The following PRR5L variants were observed in gnomAD, a reference collection of about 807,000 sequenced individuals.
PRR5L encodes proline rich 5 like.
Under a neutral mutation model 36.4 loss-of-function variants are expected in PRR5L, and 21 were observed. The ratio of observed to expected loss-of-function variants is 0.58; its 90% CI spans 0.41 to 0.83. PRR5L has a LOEUF of 0.83. Among genes scored for constraint, PRR5L ranks in the 40% least tolerant of loss-of-function variants. PRR5L has a pLI of 0.00. For synonymous variants in PRR5L, 188 were observed against 197.0 expected, an observed-to-expected ratio of 0.95 and a Z score of 0.38; for missense variants, 381 against 473.3, an observed-to-expected ratio of 0.80 and a Z score of 1.81.
chr11:36,331,167 C>A (rs55667585), intron 1 of PRR5L, among the ~76,000 whole-genome samples: 5,765 of 152,228 alleles, frequency 0.038, 367 homozygotes, highest in African/African-American at 0.13. Flanking sequence ...ATAACATATA[C>A]CCATACTAAT....
chr11:36,346,437 G>T (rs987185675), intron 1 of PRR5L, among the ~76,000 whole-genome samples: 11 of 152,114 alleles, frequency 7.2e-5, no homozygotes. Flanking sequence ...CAAAAAATTA[G>T]CCGGGCGTGG....
intron 8 of PRR5L, 47 bp from the exon 9 acceptor site, chr11:36,462,295 C>G: frequency 6.8e-7 from 1 of 1,477,872 alleles, no homozygotes; most frequent in Non-Finnish European, 9.0e-7. Flanking sequence ...TTTTAAGCAC[C>G]AATACCCCCT....
intron 4 of PRR5L, among the ~76,000 whole-genome samples, chr11:36,422,605 A>G (rs1482157427): frequency 6.6e-6 from 1 of 152,150 alleles, no homozygotes; most frequent in Non-Finnish European, 1.5e-5. Context: ...GAACATTCTC[A>G]TTTACATTCT....
At chr11:36,361,833 T>C (rs1458398108) in intron 1 of PRR5L, among the ~76,000 whole-genome samples, 1 of 152,138 alleles carries the variant, frequency 6.6e-6, no homozygotes, top group East Asian at 1.9e-4. Flanking sequence ...ATCTAACTCT[T>C]GTGGTTTTCT....
intron 1 of PRR5L, among the ~76,000 whole-genome samples, chr11:36,335,933 A>C (rs944927915): frequency 4.6e-5 from 7 of 152,192 alleles, no homozygotes; most frequent in Admixed American, 4.6e-4. Flanking sequence ...CTCTGATTTA[A>C]TCTTGTGTAA....
At chr11:36,322,562 A>G (rs1856622870) in intron 1 of PRR5L, among the ~76,000 whole-genome samples, 1 of 152,160 alleles carries the variant, frequency 6.6e-6, no homozygotes, top group Non-Finnish European at 1.5e-5. Flanking sequence ...CAGTCAAATC[A>G]TTGTGCACCA....
At position 36,314,576 on chromosome 11, in the gene PRR5L, C is replaced by T. The variant is rs562447442; in HGVS notation, c.-126+18138C>T. Among the ~76,000 whole-genome samples, 3 of 152,320 alleles carry T rather than the reference C, an allele frequency of 2.0e-5. No individual in the cohort carries two copies. In the South Asian group the frequency reaches 6.2e-4, roughly 32 times the overall value. ...GGGTTCCCCTTGATGCCCTTTGCTCCATAGCAGCCTCCAGTGTTGTTTTTG... is the reference window on the plus strand; with the variant it reads ...GGGTTCCCCTTGATGCCCTTTGCTCTATAGCAGCCTCCAGTGTTGTTTTTG... On this transcript the variant is annotated intron_variant, in intron 1 of 8. Coordinates refer to ENST00000530639, the MANE Select transcript of PRR5L (RefSeq NM_001160167.2).
At chr11:36,406,577 C>A (rs1477714218) in intron 3 of PRR5L, among the ~76,000 whole-genome samples, 1 of 152,316 alleles carries the variant, frequency 6.6e-6, no homozygotes, top group East Asian at 1.9e-4. Context: ...ACACAGCTGC[C>A]TTTATTCCAG....
At chr11:36,397,549 C>T (rs1186804097) in intron 1 of PRR5L, among the ~76,000 whole-genome samples, 5 of 141,516 alleles carry the variant, frequency 3.5e-5, no homozygotes, top group East Asian at 2.2e-4. Flanking sequence ...CTCCACCTCT[C>T]GGATTCAAGC....
At chr11:36,441,862 C>A (rs1301495373) in intron 6 of PRR5L, among the ~76,000 whole-genome samples, 1 of 152,166 alleles carries the variant, frequency 6.6e-6, no homozygotes, top group African/African-American at 2.4e-5. Context: ...AGGCTTATAG[C>A]TTGCTCCCTC....
chr11:36,332,541 A>G (rs1856729635), intron 1 of PRR5L, among the ~76,000 whole-genome samples: 1 of 152,160 alleles, frequency 6.6e-6, no homozygotes, highest in South Asian at 2.1e-4. Context: ...TAAATGTCTC[A>G]CCAATCCATC....
chr11:36,312,410 G>A (rs939533890), intron 1 of PRR5L, among the ~76,000 whole-genome samples: 2 of 152,230 alleles, frequency 1.3e-5, no homozygotes, highest in African/African-American at 2.4e-5. Flanking sequence ...GTTAAACACA[G>A]CACTGCTGTG....
At position 36,344,476 on chromosome 11, in the gene PRR5L, G is replaced by A. The variant is rs1221613410; in HGVS notation, c.-126+48038G>A. ...GGCAAACATAATGTTCCATTCTATG[G>A]CTATATTGTACCACCTGTTTTGGAC... On this transcript the variant is annotated intron_variant, in intron 1 of 8. Transcript: ENST00000530639. The surrounding 1 kb of genome is among the most constrained non-coding windows in gnomAD (Gnocchi z 4.1). Among the ~76,000 whole-genome samples, 5 of 151,984 alleles carry A rather than the reference G, an allele frequency of 3.3e-5. No individual in the cohort carries two copies. The highest frequency in any genetic ancestry group is 5.9e-5 in the Non-Finnish European group (4 of 68,004).
At position 36,316,825 on chromosome 11, in the gene PRR5L, G is replaced by A. The variant is rs559205033; in HGVS notation, c.-126+20387G>A. 5.9e-5 allele frequency among the ~76,000 whole-genome samples: 9 copies of A among 152,294 alleles called. No homozygotes were observed. In the East Asian group the frequency reaches 1.5e-3, roughly 26 times the overall value. On this transcript the variant is annotated intron_variant, in intron 1 of 8. Transcript: ENST00000530639. ...CCTACAAAGGCAGACTGATCTCCAG[G>A]CAAGAAGGGGGTCTTTTTGGGAAAG...
chr11:36,441,116 C>G (rs1590594683), intron 6 of PRR5L, among the ~76,000 whole-genome samples: 1 of 152,308 alleles, frequency 6.6e-6, no homozygotes, highest in East Asian at 1.9e-4. Flanking sequence ...TACTCCAAAT[C>G]TCATGTCCTT....
chr11:36,351,683 T>A (rs1309311767), intron 1 of PRR5L, among the ~76,000 whole-genome samples: 51 of 2,770 alleles, frequency 0.018, 1 homozygote, highest in Admixed American at 0.035. Context: ...ACTTATATAT[T>A]TATATATTTA....
chr11:36,373,536 C>T (rs992606661), intron 1 of PRR5L, among the ~76,000 whole-genome samples: 2 of 150,210 alleles, frequency 1.3e-5, no homozygotes, highest in Non-Finnish European at 2.9e-5. Flanking sequence ...AAATTTGAGG[C>T]TATGGTGAGC....
At chr11:36,408,726 G>A (rs1272578192) in intron 3 of PRR5L, among the ~76,000 whole-genome samples, 1 of 152,186 alleles carries the variant, frequency 6.6e-6, no homozygotes, top group Non-Finnish European at 1.5e-5. Flanking sequence ...TGACACAAGA[G>A]CACACTCTCC....
intron 1 of PRR5L, among the ~76,000 whole-genome samples, chr11:36,331,685 C>A (rs1039791411): frequency 6.6e-6 from 1 of 152,132 alleles, no homozygotes; most frequent in Admixed American, 6.5e-5. Flanking sequence ...CATTTTCAAA[C>A]CTTATAATAA....
Sources: gnomAD v4.1 joint callset for allele counts (sites outside exome capture counted in the v4.1 genomes callset) on GRCh38, gnomAD v4.1.1 for gene constraint, Gnocchi (gnomAD v3.1) non-coding constraint, MANE v1.5 for transcripts, NCBI Gene and HGNC (gene_info 2026-07-23, HGNC 2026-07-21) for gene names.